The following DDX1 variants were observed in gnomAD, a reference collection of about 807,000 sequenced individuals.
DDX1 encodes the protein ATP-dependent RNA helicase DDX1.
Under a neutral mutation model 108.7 loss-of-function variants are expected in DDX1, and 28 were observed. The observed-to-expected ratio is 0.26, with a 90% CI of 0.19 to 0.35. DDX1 has a LOEUF of 0.35. Ranked by LOEUF, DDX1 falls within the 10% of genes least tolerant of loss-of-function variation. The probability of loss-of-function intolerance (pLI) is 1.00; values close to 1 mark genes in which losing one functional copy is unlikely to be tolerated. For missense variants in DDX1, 710 were observed against 884.5 expected (o/e 0.80, Z 2.50); for synonymous variants, 295 against 288.9 (o/e 1.02, Z -0.21).
chr2:15,616,926 C>G (rs535700375), intron 14 of DDX1, among the ~76,000 whole-genome samples: 2 of 152,174 alleles, frequency 1.3e-5, no homozygotes, highest in Non-Finnish European at 2.9e-5. Flanking sequence ...GGAACTGGGA[C>G]TTGAACTCTA....
chr2:15,623,857 G>A (rs372221586), intron 19 of DDX1, among the ~76,000 whole-genome samples: 9 of 152,016 alleles, frequency 5.9e-5, no homozygotes, highest in African/African-American at 2.2e-4. Context: ...TAATTTATTA[G>A]TCTTAAAATT....
chr2:15,613,209 T>C lies in DDX1; in HGVS notation c.957-15T>C. On this transcript the variant is annotated splice_polypyrimidine_tract_variant and intron_variant, in intron 13 of 25. Coordinates refer to ENST00000233084, the MANE Select transcript of DDX1 (RefSeq NM_004939.3). Reference sequence around the variant, plus strand: ...TTTTTTTTTTTTTATATTATCATCTTGATATTTATTTCAGGGAGCTTCTGA... The same window carrying C: ...TTTTTTTTTTTTTATATTATCATCTCGATATTTATTTCAGGGAGCTTCTGA... 1 of 1,564,080 alleles carries C rather than the reference T, an allele frequency of 6.4e-7. No individual in the cohort carries two copies. Among genetic ancestry groups the C allele is most frequent in the Non-Finnish European group, 8.7e-7 (1 of 1,151,024 alleles).
intron 5 of DDX1, among the ~76,000 whole-genome samples, chr2:15,598,647 A>G (rs1242482795): frequency 6.6e-6 from 1 of 152,202 alleles, no homozygotes; most frequent in Non-Finnish European, 1.5e-5. Context: ...TTGAGCCACA[A>G]TGCAAGGGAA....
intron 16 of DDX1, among the ~76,000 whole-genome samples, chr2:15,619,382 A>C (rs567803666): frequency 6.6e-6 from 1 of 152,184 alleles, no homozygotes; most frequent in Admixed American, 6.5e-5. Context: ...GGTCCTGCCC[A>C]GCTTCGCGAA....
chr2:15,612,793 T>G (rs1573044874), intron 13 of DDX1, among the ~76,000 whole-genome samples: 1 of 152,154 alleles, frequency 6.6e-6, no homozygotes, highest in Admixed American at 6.5e-5. Flanking sequence ...TCACTCGCGG[T>G]TAGGAGCTGG....
chr2:15,599,732 T>C lies in DDX1; in HGVS notation c.307+16T>C, dbSNP rs1665558311. 6.3e-7 allele frequency: 1 copy of C among 1,587,192 alleles called. No individual in the cohort carries two copies. The highest frequency in any genetic ancestry group is 8.6e-7 in the Non-Finnish European group (1 of 1,160,782). On this transcript the variant is annotated intron_variant, in intron 6 of 25. Coordinates refer to ENST00000233084, the MANE Select transcript of DDX1 (RefSeq NM_004939.3). Reference sequence around the variant, plus strand: ...TCTGCTTTTGGTAAGTGGATAGACTTTCCATCAGCTCATTTGTAATTCAGA... The same window carrying C: ...TCTGCTTTTGGTAAGTGGATAGACTCTCCATCAGCTCATTTGTAATTCAGA...
At chr2:15,592,144 TC>T (rs760569883) in intron 1 of DDX1, among the ~76,000 whole-genome samples, 195 bp downstream of exon 1, 27 of 152,180 alleles carry the variant, frequency 1.8e-4, no homozygotes, top group Non-Finnish European at 3.5e-4. Flanking sequence ...GGACGATTCT[TC>T]CCAGGAGCGG....
chr2:15,599,329 T>C (rs1249438162), intron 5 of DDX1, among the ~76,000 whole-genome samples: 1 of 151,328 alleles, frequency 6.6e-6, no homozygotes, highest in African/African-American at 2.4e-5. Flanking sequence ...ATTTTTGAGA[T>C]GGAGTCTCGC....
chr2:15,604,597 A>G (rs1018510119), intron 10 of DDX1, 88 bp downstream of exon 10: 16 of 854,732 alleles, frequency 1.9e-5, no homozygotes, highest in Non-Finnish European at 3.0e-5. Flanking sequence ...TGTTTTTCAA[A>G]TCCCCGTCCC....
In DDX1 at chr2:15,601,988, A is replaced by G. The variant is rs565069241; in HGVS notation, c.308-560A>G. Among the ~76,000 whole-genome samples the G allele has an allele frequency of 5.3e-5, 8 of 152,330 alleles. No homozygotes were observed. In the South Asian group the frequency reaches 1.7e-3, roughly 32 times the overall value. On this transcript the variant is annotated intron_variant, in intron 6 of 25. Coordinates refer to ENST00000233084, the MANE Select transcript of DDX1 (RefSeq NM_004939.3). ...CTTATAATATTAGCAAGTAACAAAT[A>G]CATGCTTATTTATTCATGCTTTCTC...
chr2:15,611,786 G>A (rs1233083236), intron 13 of DDX1, among the ~76,000 whole-genome samples: 2 of 109,232 alleles, frequency 1.8e-5, no homozygotes, highest in African/African-American at 4.1e-5. Flanking sequence ...CCGGGCGGGG[G>A]GCTGACCCCC....
chr2:15,623,823 A>G (rs1042307119), intron 19 of DDX1, among the ~76,000 whole-genome samples: 2 of 152,176 alleles, frequency 1.3e-5, no homozygotes, highest in African/African-American at 4.8e-5. Flanking sequence ...TAAGAGTTTT[A>G]TATTATATGG....
intron 19 of DDX1, among the ~76,000 whole-genome samples, chr2:15,624,422 A>G (rs1424020029): frequency 6.6e-6 from 1 of 152,178 alleles, no homozygotes; most frequent in African/African-American, 2.4e-5. Flanking sequence ...AGGCTGGGTA[A>G]TTTATAAAGG....
At chr2:15,613,178 CTT>C in intron 13 of DDX1, 44 bp from the exon 14 acceptor site, 1 of 1,248,376 alleles carries the variant, frequency 8.0e-7, no homozygotes, top group African/African-American at 1.8e-5. Flanking sequence ...GTAAAGCAGA[CTT>C]TAATTTTTTT....
rs777404346 is a variant in DDX1, at chr2:15,595,548, C to T, written c.127C>T (p.Leu43Phe). ...ATTGATCTTAGGAGGAGGTGATGTA[C>T]TTATGGTAAGTTTAAATTTGGTGAG... ...IPLILGGGDVLMAAETGSGKT... is the reference protein window; with the variant it reads ...IPLILGGGDVFMAAETGSGKT... The change falls in exon 3 of 26, where the codon CTT becomes TTT. Residue 43 changes from leucine (L) to phenylalanine (F), a missense_variant. By Grantham distance (22) the Leu-to-Phe change is conservative. This residue lies in a region of DDX1 where 48 missense variants were observed against 57.5 expected (regional missense o/e 0.83). Coordinates refer to ENST00000233084, the MANE Select transcript of DDX1 (RefSeq NM_004939.3). 7.5e-6 allele frequency: 12 copies of T among 1,606,492 alleles called. No individual in the cohort carries two copies. Among genetic ancestry groups the T allele is most frequent in the Non-Finnish European group, 1.0e-5 (12 of 1,173,224 alleles).
chr2:15,613,928 T>G (rs961827869), intron 14 of DDX1, among the ~76,000 whole-genome samples: 11 of 151,246 alleles, frequency 7.3e-5, no homozygotes, highest in African/African-American at 2.7e-4. Context: ...CCTCTGCCTC[T>G]TGGGTTCAAG....
At chr2:15,623,148 C>T (rs906173124) in intron 18 of DDX1, among the ~76,000 whole-genome samples, 24 of 151,942 alleles carry the variant, frequency 1.6e-4, no homozygotes, top group African/African-American at 5.6e-4. Flanking sequence ...TTAATTTGTA[C>T]GTGTGTATGT....
chr2:15,599,813 A>T, intron 6 of DDX1, 97 bp downstream of exon 6: 1 of 882,442 alleles, frequency 1.1e-6, no homozygotes, highest in South Asian at 1.7e-5. Flanking sequence ...GATTTAATTT[A>T]CCAGATATTA....
intron 13 of DDX1, among the ~76,000 whole-genome samples, chr2:15,610,864 T>C (rs1167122990): frequency 6.9e-4 from 13 of 18,780 alleles, no homozygotes; most frequent in Admixed American, 5.9e-3. Flanking sequence ...CCAGACTTGT[T>C]TTTTTTTTTA....
Sources: gnomAD v4.1 joint callset for allele counts (sites outside exome capture counted in the v4.1 genomes callset) on GRCh38, gnomAD v4.1.1 for gene constraint, gnomAD v4.1.1 regional missense constraint, MANE v1.5 for transcripts, NCBI Gene and HGNC (gene_info 2026-07-23, HGNC 2026-07-21) for gene names.